Variants in USP15 observed in about 807,000 individuals in gnomAD.
USP15 encodes ubiquitin carboxyl-terminal hydrolase 15.
Under a neutral mutation model 127.1 loss-of-function variants are expected in USP15, and 18 were observed. That is an observed-to-expected ratio of 0.14 (90% CI 0.10 to 0.21). The LOEUF is 0.21. USP15 is among the 10% of genes least tolerant of loss of function. The pLI, the probability that USP15 is intolerant of heterozygous loss-of-function variation, is 1.00. For missense variants in USP15, 805 were observed against 1,159.9 expected (o/e 0.69, Z 4.44); for synonymous variants, 364 against 393.7 (o/e 0.92, Z 0.89).
At chr12:62,273,736 T>C (rs2063404447) in intron 1 of USP15, among the ~76,000 whole-genome samples, 1 of 152,114 alleles carries the variant, frequency 6.6e-6, no homozygotes. Context: ...TGATCTTTAT[T>C]GATGTGAAAA....
intron 8 of USP15, among the ~76,000 whole-genome samples, chr12:62,378,403 G>A (rs941243633): frequency 2.0e-5 from 3 of 152,166 alleles, no homozygotes; most frequent in African/African-American, 7.2e-5. Context: ...TTGTTAGGAA[G>A]TGTAGCTTGT....
In USP15 at chr12:62,405,479, C is replaced by A. The variant is rs1448690098; in HGVS notation, c.*1104C>A. On this transcript the variant is annotated 3_prime_UTR_variant, in exon 22 of 22. Transcript: ENST00000280377. ...GCATTTGCATGTTCCAGAGTCAGAACCTGTACAGTATATAAAGCATAAACA... is the reference window on the plus strand; with the variant it reads ...GCATTTGCATGTTCCAGAGTCAGAAACTGTACAGTATATAAAGCATAAACA... The A allele has an allele frequency of 1.3e-5, 2 of 152,496 alleles. No individual in the cohort carries two copies. The highest frequency in any genetic ancestry group is 2.9e-5 in the Non-Finnish European group (2 of 67,992). 9.4% of individuals were successfully genotyped at this position (152,496 alleles called of 1,614,324 possible). A position where few individuals can be genotyped will look rare whatever the true frequency, so the allele number is the denominator to read the frequency against.
At chr12:62,309,416 A>G (rs1276430360) in intron 3 of USP15, among the ~76,000 whole-genome samples, 1 of 152,134 alleles carries the variant, frequency 6.6e-6, no homozygotes, top group Non-Finnish European at 1.5e-5. Flanking sequence ...AAAGAAATTG[A>G]GTCATTGAAA....
At chr12:62,374,393 C>T in intron 8 of USP15, 1 of 985,542 alleles carries the variant, frequency 1.0e-6, no homozygotes, top group Non-Finnish European at 1.2e-6. Flanking sequence ...GTTCTAGTTA[C>T]CGGTTTACTA....
At chr12:62,393,922 A>G (rs1258087430) in intron 19 of USP15, 2 of 152,206 alleles carry the variant, frequency 1.3e-5, no homozygotes, top group South Asian at 2.1e-4. Flanking sequence ...TAAAACAACA[A>G]TGGAATTGCT....
chr12:62,351,916 T>A (rs552161356), intron 7 of USP15, among the ~76,000 whole-genome samples: 9 of 151,994 alleles, frequency 5.9e-5, no homozygotes, highest in African/African-American at 2.2e-4. Flanking sequence ...AAAACTTGAA[T>A]TCTATCGTAT....
At chr12:62,296,306 C>T (rs1289089533) in intron 2 of USP15, among the ~76,000 whole-genome samples, 3 of 152,190 alleles carry the variant, frequency 2.0e-5, no homozygotes, top group African/African-American at 7.2e-5. Flanking sequence ...TTTGGGCCCT[C>T]CTTAACTACT....
At chr12:62,354,461 A>G (rs570105625) in intron 7 of USP15, among the ~76,000 whole-genome samples, 33 of 151,978 alleles carry the variant, frequency 2.2e-4, no homozygotes, top group African/African-American at 7.2e-4. Flanking sequence ...TATATCCAAA[A>G]TATTCATCAT....
Position 62,410,664 on chromosome 12 carries a change from G to T in USP15, c.*6289G>T, listed in dbSNP as rs1358959472. Reference sequence around the variant, plus strand: ...TTCCACCATAGCTAGCTCCAAACAGGTCATTAACCTCTGAATTACTGTTTT... The same window carrying T: ...TTCCACCATAGCTAGCTCCAAACAGTTCATTAACCTCTGAATTACTGTTTT... On this transcript the variant is annotated 3_prime_UTR_variant, in exon 22 of 22. Transcript: ENST00000280377. 1 of 152,074 alleles carries T rather than the reference G, an allele frequency of 6.6e-6. No homozygotes were observed. Among genetic ancestry groups the T allele is most frequent in the East Asian group, 1.9e-4 (1 of 5,184 alleles). The allele number at this position is 152,074 out of a possible 1,614,324, so 9.4% of individuals were successfully genotyped here.
At chr12:62,280,336 GA>G (rs1357972125) in intron 1 of USP15, among the ~76,000 whole-genome samples, 1 of 152,192 alleles carries the variant, frequency 6.6e-6, no homozygotes, top group Non-Finnish European at 1.5e-5. Context: ...ATATGTGAAA[GA>G]TTATAGTTGT....
At chr12:62,391,107 T>G (rs1472407212) in intron 15 of USP15, 50 bp from the exon 16 acceptor site, 1 of 1,533,974 alleles carries the variant, frequency 6.5e-7, no homozygotes, top group African/African-American at 1.4e-5. Context: ...ATTAATAATT[T>G]AAAAATATAG....
chr12:62,310,944 C>T (rs2064658539), intron 3 of USP15, among the ~76,000 whole-genome samples: 1 of 151,926 alleles, frequency 6.6e-6, no homozygotes, highest in Non-Finnish European at 1.5e-5. Flanking sequence ...GGTGATATCT[C>T]ATTGTGGTTT....
At chr12:62,358,865 A>G (rs2066223555) in intron 8 of USP15, among the ~76,000 whole-genome samples, 1 of 152,200 alleles carries the variant, frequency 6.6e-6, no homozygotes, top group African/African-American at 2.4e-5. Context: ...TAGGTTATAT[A>G]CAAATAACAA....
intron 21 of USP15, among the ~76,000 whole-genome samples, chr12:62,401,571 C>G (rs770215618): frequency 4.6e-5 from 7 of 151,842 alleles, no homozygotes; most frequent in Non-Finnish European, 8.8e-5. Context: ...AGATTCAGCT[C>G]TTAACTTTCT....
chr12:62,324,594 GTC>G (rs1356273741), intron 5 of USP15, among the ~76,000 whole-genome samples: 1 of 151,932 alleles, frequency 6.6e-6, no homozygotes. Flanking sequence ...GTGATTACTT[GTC>G]TCTAGTAGGT....
intron 8 of USP15, among the ~76,000 whole-genome samples, chr12:62,365,717 A>G (rs562613822): frequency 1.3e-3 from 191 of 152,218 alleles, no homozygotes; most frequent in Non-Finnish European, 2.2e-3. Context: ...TCCATCTTGA[A>G]TTGATTTTTG....
In USP15 at chr12:62,410,795, A is replaced by G. The variant is rs1393633019; in HGVS notation, c.*6420A>G. Reference sequence around the variant, plus strand: ...GCTGTCGTTAAAAGTATATATTTTTAGCAAAGGAATTAATAACTAATAGCA... The same window carrying G: ...GCTGTCGTTAAAAGTATATATTTTTGGCAAAGGAATTAATAACTAATAGCA... On this transcript the variant is annotated 3_prime_UTR_variant, in exon 22 of 22. Transcript: ENST00000280377. 1 of 152,112 alleles carries G rather than the reference A, an allele frequency of 6.6e-6. No individual in the cohort carries two copies. Among genetic ancestry groups the G allele is most frequent in the Non-Finnish European group, 1.5e-5 (1 of 68,014 alleles). 9.4% of individuals were successfully genotyped at this position (152,112 alleles called of 1,614,324 possible).
intron 3 of USP15, 119 bp from the exon 4 acceptor site, chr12:62,314,671 A>G (rs2064779882): frequency 2.1e-6 from 2 of 958,608 alleles, no homozygotes; most frequent in Non-Finnish European, 2.8e-6. Flanking sequence ...GCAGGCTTTA[A>G]TAGTGACTGG....
chr12:62,312,226 A>T, intron 3 of USP15: 1 of 251,864 alleles, frequency 4.0e-6, no homozygotes. Flanking sequence ...GGTATTATGA[A>T]ATTGTTTATA....
Sources: gnomAD v4.1 joint callset for allele counts (sites outside exome capture counted in the v4.1 genomes callset) on GRCh38, gnomAD v4.1.1 for gene constraint, MANE v1.5 for transcripts, NCBI Gene and HGNC (gene_info 2026-07-23, HGNC 2026-07-21) for gene names.